Variants in FMN1 observed in about 807,000 individuals in gnomAD.
FMN1 encodes formin-1.
A neutral mutation model predicts 132.4 loss-of-function variants in FMN1; 110 were observed. That is an observed-to-expected ratio of 0.83 (90% CI 0.71 to 0.97). FMN1 has a LOEUF of 0.97. Ranked by LOEUF, FMN1 falls within the 50% of genes least tolerant of loss-of-function variation. The pLI is 0.00. For synonymous variants in FMN1, 722 were observed against 651.7 expected, an observed-to-expected ratio of 1.11 and a Z score of -1.64; for missense variants, 1,792 against 1,705.3, an observed-to-expected ratio of 1.05 and a Z score of -0.90.
chr15:32,810,329 C>T (rs1473002529), intron 17 of FMN1, among the ~76,000 whole-genome samples: 1 of 152,146 alleles, frequency 6.6e-6, no homozygotes, highest in Non-Finnish European at 1.5e-5. Context: ...TCTAATCTTC[C>T]ATCTTTTGTT....
intron 4 of FMN1, among the ~76,000 whole-genome samples, chr15:33,121,826 C>T (rs1025410133): frequency 1.3e-5 from 2 of 151,858 alleles, no homozygotes. Context: ...CCACCACACC[C>T]GGCCAAATTT....
At chr15:33,071,149 C>A (rs2037983414) in intron 5 of FMN1, among the ~76,000 whole-genome samples, 1 of 152,058 alleles carries the variant, frequency 6.6e-6, no homozygotes, top group African/African-American at 2.4e-5. Flanking sequence ...ACAAACATCA[C>A]CAAAAACAAA....
chr15:32,976,875 A>T (rs1415435220), intron 7 of FMN1, among the ~76,000 whole-genome samples: 1 of 152,214 alleles, frequency 6.6e-6, no homozygotes, highest in African/African-American at 2.4e-5. Context: ...AAGAGAATCC[A>T]AACCAACATG....
At chr15:33,034,670 A>C (rs1303639890) in intron 6 of FMN1, among the ~76,000 whole-genome samples, 1 of 35,112 alleles carries the variant, frequency 2.8e-5, no homozygotes, top group East Asian at 2.5e-4. Context: ...AAAATCCAGA[A>C]TCTGATTTTT....
intron 9 of FMN1, among the ~76,000 whole-genome samples, chr15:32,956,873 C>G (rs2061780895): frequency 1.3e-5 from 2 of 152,132 alleles, no homozygotes; most frequent in African/African-American, 2.4e-5. Flanking sequence ...AAACAATGTT[C>G]TTCTTCCACC....
At chr15:32,785,588 C>T (rs1446820547) in intron 19 of FMN1, among the ~76,000 whole-genome samples, 1 of 152,030 alleles carries the variant, frequency 6.6e-6, no homozygotes, top group Non-Finnish European at 1.5e-5. Flanking sequence ...TCATTTCAGT[C>T]AGTACAGAAA....
At chr15:33,016,622 T>TCTC (rs1011913825) in intron 6 of FMN1, among the ~76,000 whole-genome samples, 6 of 152,322 alleles carry the variant, frequency 3.9e-5, no homozygotes, top group Admixed American at 1.3e-4. Context: ...TAGCAGCTGG[T>TCTC]GAGAGGCTGT....
intron 16 of FMN1, among the ~76,000 whole-genome samples, chr15:32,863,081 G>A (rs1439311361): frequency 6.6e-6 from 1 of 152,200 alleles, no homozygotes; most frequent in Non-Finnish European, 1.5e-5. Flanking sequence ...GAGACATAAA[G>A]TGAAGCCAGA....
At chr15:33,049,492 C>A (rs2036865736) in intron 6 of FMN1, among the ~76,000 whole-genome samples, 1 of 152,118 alleles carries the variant, frequency 6.6e-6, no homozygotes, top group Non-Finnish European at 1.5e-5. Context: ...GTTTCAAGAC[C>A]AAATTAGTAA....
intron 6 of FMN1, among the ~76,000 whole-genome samples, chr15:33,056,804 C>G (rs777383217): frequency 6.6e-6 from 1 of 152,090 alleles, no homozygotes; most frequent in Non-Finnish European, 1.5e-5. Flanking sequence ...CATGTAGCAA[C>G]ATATATGATT....
At chr15:32,812,035 C>G (rs2057900380) in intron 17 of FMN1, among the ~76,000 whole-genome samples, 1 of 152,086 alleles carries the variant, frequency 6.6e-6, no homozygotes, top group East Asian at 1.9e-4. Context: ...AACAAACAAA[C>G]AAACAAACAA....
chr15:33,128,677 T>C (rs1963366500), intron 4 of FMN1, among the ~76,000 whole-genome samples: 1 of 152,170 alleles, frequency 6.6e-6, no homozygotes, highest in Non-Finnish European at 1.5e-5. Context: ...GTTTGTAGTC[T>C]CACTGACTTC....
At position 33,185,584 on chromosome 15, in the gene FMN1, TTTTTTTA is replaced by T. The variant is rs905459707; in HGVS notation, c.-196-5329_-196-5323del. 1.1e-3 allele frequency among the ~76,000 whole-genome samples: 170 copies of T among 148,310 alleles called. 2 individuals are homozygous for T. The highest frequency in any genetic ancestry group is 4.2e-3 in the African/African-American group (167 of 39,456). On this transcript the variant is annotated intron_variant, in intron 2 of 20. Coordinates refer to ENST00000616417, the MANE Select transcript of FMN1 (RefSeq NM_001277313.2). ...AAAGTAAGAATTTTTTTTTTTTTTT[TTTTTTTA>T]CACAGAGTTTCACTCTTGTTGCCCA...
At position 32,964,159 on chromosome 15, in the gene FMN1, TGTTGA is replaced by T; in HGVS notation, c.3081_3085del (p.Gln1028GlufsTer10). On this transcript the variant is annotated frameshift_variant, in exon 9 of 21. Coordinates refer to ENST00000616417, the MANE Select transcript of FMN1 (RefSeq NM_001277313.2). LOFTEE classifies it high-confidence loss of function. Reference sequence around the variant, plus strand: ...AGTCTCTGACAGAGGTTTTTTCTTCTGTTGAGTTGTGTCTTTGGAGAATAAATACT... The same window carrying T: ...AGTCTCTGACAGAGGTTTTTTCTTCTGTTGTGTCTTTGGAGAATAAATACT... The T allele has an allele frequency of 6.2e-7, 1 of 1,613,614 alleles. No homozygotes were observed. Among genetic ancestry groups the T allele is most frequent in the Non-Finnish European group, 8.5e-7 (1 of 1,179,650 alleles).
chr15:33,045,195 A>T (rs569908388), intron 6 of FMN1, among the ~76,000 whole-genome samples: 355 of 152,260 alleles, frequency 2.3e-3, no homozygotes, highest in African/African-American at 8.3e-3. Context: ...GGGAGTCAGC[A>T]CCCATGCTCG....
chr15:33,014,551 T>A lies in FMN1; in HGVS notation c.2162-6476A>T, dbSNP rs1259841889. 2.0e-5 allele frequency among the ~76,000 whole-genome samples: 3 copies of A among 152,214 alleles called. No individual in the cohort carries two copies. The South Asian group carries it at 6.2e-4, about 32-fold the overall frequency. ...TAATCTATTCCACAAGAAACAAGTC[T>A]AAAGAACGTCTTTTTGAAAACAATA... is the stretch of plus-strand genomic sequence containing the variant. On this transcript the variant is annotated intron_variant, in intron 6 of 20. Transcript: ENST00000616417.
At chr15:33,188,009 A>G (rs919165598) in intron 2 of FMN1, among the ~76,000 whole-genome samples, 1 of 152,274 alleles carries the variant, frequency 6.6e-6, no homozygotes, top group Non-Finnish European at 1.5e-5. Flanking sequence ...TACATCATGC[A>G]CTGATTGAAA....
intron 9 of FMN1, among the ~76,000 whole-genome samples, chr15:32,949,487 A>C (rs1304100304): frequency 6.6e-6 from 1 of 152,186 alleles, no homozygotes; most frequent in Non-Finnish European, 1.5e-5. Flanking sequence ...TCCTAGGATA[A>C]CTGGCTAGCC....
intron 16 of FMN1, among the ~76,000 whole-genome samples, chr15:32,885,040 C>T (rs2059862334): frequency 6.6e-6 from 1 of 152,206 alleles, no homozygotes; most frequent in Non-Finnish European, 1.5e-5. Context: ...TCCCATTTTA[C>T]AGGTGAGAAA....
Sources: gnomAD v4.1 joint callset for allele counts (sites outside exome capture counted in the v4.1 genomes callset) on GRCh38, gnomAD v4.1.1 for gene constraint, MANE v1.5 for transcripts, NCBI Gene and HGNC (gene_info 2026-07-23, HGNC 2026-07-21) for gene names.